Variants in TTC3 observed in about 807,000 individuals in gnomAD.
The protein encoded by TTC3 is E3 ubiquitin-protein ligase TTC3.
TTC3 carries 180 observed loss-of-function variants against 249.6 expected under a neutral mutation model. The ratio of observed to expected loss-of-function variants is 0.72; its 90% confidence interval spans 0.64 to 0.82. The LOEUF is 0.82. TTC3 is among the 40% of genes least tolerant of loss of function. The probability of loss-of-function intolerance (pLI) is 0.00; values close to 1 mark genes in which losing one functional copy is unlikely to be tolerated. For missense variants in TTC3, 2,061 were observed against 2,398.4 expected, an observed-to-expected ratio of 0.86 and a Z score of 2.94; for synonymous variants, 717 against 805.0, an observed-to-expected ratio of 0.89 and a Z score of 1.85.
At chr21:37,117,390 G>A (rs192594994) in intron 11 of TTC3, among the ~76,000 whole-genome samples, 2 of 152,090 alleles carry the variant, frequency 1.3e-5, no homozygotes, top group East Asian at 3.9e-4. Flanking sequence ...CCAGTTTGTT[G>A]GTATTTTCAT....
intron 1 of TTC3, among the ~76,000 whole-genome samples, chr21:37,084,971 C>T (rs1262333411): frequency 2.6e-5 from 4 of 150,958 alleles, no homozygotes; most frequent in East Asian, 3.9e-4. Context: ...CCAGCCTGGG[C>T]GACAGAGTGA....
intron 19 of TTC3, among the ~76,000 whole-genome samples, chr21:37,139,216 AG>A (rs1221624303): frequency 6.6e-6 from 1 of 152,156 alleles, no homozygotes; most frequent in African/African-American, 2.4e-5. Context: ...AGAAAAACAA[AG>A]GTAACAATGA....
At chr21:37,178,752 G>A (rs949890240) in intron 35 of TTC3, among the ~76,000 whole-genome samples, 9 of 151,962 alleles carry the variant, frequency 5.9e-5, no homozygotes, top group African/African-American at 2.2e-4. Flanking sequence ...TTGAGCCCAG[G>A]AGTTTGAAAC....
rs1199691192 is a variant in TTC3, at chr21:37,197,930, C to T, written c.5755C>T (p.Pro1919Ser). Residue 1919 changes from proline (P) to serine (S), a missense_variant, in exon 44 of 46, where the codon CCC (proline) becomes TCC (serine). Around this residue, in one of 3 missense-constraint regions of TTC3, gnomAD observed 1,040 missense variants for 1,186.1 expected, o/e 0.88. Transcript: ENST00000355666. ...GACTTATGAGCCCAGCTCTGCCACC[C>T]CCGTGACCAGGTCCTCCCAGGGCTC... The T allele has an allele frequency of 1.9e-6, 3 of 1,614,086 alleles. No individual in the cohort carries two copies. Among genetic ancestry groups the T allele is most frequent in the Non-Finnish European group, 2.5e-6 (3 of 1,180,016 alleles).
chr21:37,123,731 C>T (rs1467716678), intron 13 of TTC3, among the ~76,000 whole-genome samples: 2 of 151,684 alleles, frequency 1.3e-5, no homozygotes, highest in Non-Finnish European at 2.9e-5. Flanking sequence ...AAATTTAGCA[C>T]AAGGTCATAG....
chr21:37,186,722 C>T (rs549212120), intron 37 of TTC3, among the ~76,000 whole-genome samples: 4 of 152,328 alleles, frequency 2.6e-5, no homozygotes, highest in East Asian at 3.9e-4. Context: ...CCACTGTGCC[C>T]GGCCTATACA....
At chr21:37,133,876 TTTA>T (rs2077689443) in intron 17 of TTC3, among the ~76,000 whole-genome samples, 2 of 152,038 alleles carry the variant, frequency 1.3e-5, no homozygotes, top group African/African-American at 4.8e-5. Context: ...GTCTTATTTA[TTTA>T]TTATTTTCTT....
exon 22 of TTC3, chr21:37,147,559 G>C (rs1199084020): frequency 6.2e-7 from 1 of 1,611,444 alleles, no homozygotes; most frequent in East Asian, 2.2e-5. Context: ...GAAGTGCCAT[G>C]GATATTCTAA....
chr21:37,110,059 C>T (rs901999196), intron 11 of TTC3, among the ~76,000 whole-genome samples: 2 of 152,016 alleles, frequency 1.3e-5, no homozygotes, highest in South Asian at 2.1e-4. Context: ...CCCATCTGTA[C>T]GTCACCATCA....
intron 26 of TTC3, 70 bp from the exon 27 acceptor site, chr21:37,152,878 TTTG>T (rs1226233717): frequency 6.7e-6 from 8 of 1,195,068 alleles, no homozygotes; most frequent in Non-Finnish European, 9.0e-6. Context: ...ATTATGTAAT[TTTG>T]TTATTTCTAA....
At chr21:37,135,902 T>G (rs1190223672) in intron 18 of TTC3, among the ~76,000 whole-genome samples, 1 of 152,230 alleles carries the variant, frequency 6.6e-6, no homozygotes, top group Non-Finnish European at 1.5e-5. Flanking sequence ...GTGGCAACCC[T>G]GTGTCAAGCA....
At chr21:37,132,399 C>T (rs1007353496) in intron 16 of TTC3, among the ~76,000 whole-genome samples, 24 of 150,094 alleles carry the variant, frequency 1.6e-4, no homozygotes, top group African/African-American at 2.9e-4. Flanking sequence ...GGTAAGATCT[C>T]GGTCCTGGGC....
intron 11 of TTC3, among the ~76,000 whole-genome samples, chr21:37,121,514 T>C (rs2147867078): frequency 6.6e-6 from 1 of 152,382 alleles, no homozygotes; most frequent in East Asian, 1.9e-4. Context: ...CACAAAATTA[T>C]TATATTCTCT....
chr21:37,110,516 A>T (rs1196914715), intron 11 of TTC3, among the ~76,000 whole-genome samples: 1 of 152,202 alleles, frequency 6.6e-6, no homozygotes, highest in Non-Finnish European at 1.5e-5. Flanking sequence ...GAAAAAGAAT[A>T]AAAAGAAACA....
intron 16 of TTC3, among the ~76,000 whole-genome samples, chr21:37,129,264 A>G (rs938589995): frequency 3.9e-5 from 6 of 152,208 alleles, no homozygotes; most frequent in African/African-American, 1.4e-4. Flanking sequence ...ATATTAATAT[A>G]TTGACTTCTG....
chr21:37,082,026 G>C (rs1349704703), intron 1 of TTC3: 1 of 151,762 alleles, frequency 6.6e-6, no homozygotes, highest in Admixed American at 6.6e-5. Flanking sequence ...CACCACGCCC[G>C]GCTAATTTTT....
intron 5 of TTC3, 27 bp downstream of exon 5, chr21:37,088,913 G>T: frequency 6.3e-7 from 1 of 1,596,716 alleles, no homozygotes; most frequent in Non-Finnish European, 8.6e-7. Context: ...AGGTTCCCCC[G>T]AGCCCTTGGT....
Position 37,164,101 on chromosome 21 carries a change from G to A in TTC3, c.3221G>A (p.Arg1074Gln), listed in dbSNP as rs767138973. ...CCATTTGCAGTGCCTGACCATCTTC[G>A]GCAAGATGTAGAAGAATTCGAAGCT... is the stretch of plus-strand genomic sequence containing the variant. Residue 1074 changes from arginine (R) to glutamine (Q), a missense_variant, in exon 32 of 46, where the codon CGG becomes CAG. Transcript: ENST00000355666. The A allele has an allele frequency of 5.6e-6, 9 of 1,612,370 alleles. No individual in the cohort carries two copies. The Admixed American group carries it at 8.4e-5, about 15-fold the overall frequency.
Position 37,095,457 on chromosome 21 carries a change from A to G in TTC3, c.782+13A>G. ...CCATTGAATATAGGTAAGAGCAAAT[A>G]GAACAAAAGAGATGCTTTTTCTATG... On this transcript the variant is annotated intron_variant, in intron 9 of 45. Transcript: ENST00000355666. The G allele has an allele frequency of 1.3e-6, 2 of 1,492,502 alleles. No individual in the cohort carries two copies. Among genetic ancestry groups the G allele is most frequent in the Non-Finnish European group, 1.8e-6 (2 of 1,095,960 alleles). 92.5% of individuals were successfully genotyped at this position (1,492,502 alleles called of 1,614,324 possible).
Sources: allele counts gnomAD v4.1 joint callset (sites outside exome capture counted in the v4.1 genomes callset), GRCh38; gene constraint gnomAD v4.1.1; regional missense constraint gnomAD v4.1.1; transcripts MANE v1.5; gene names NCBI Gene and HGNC (gene_info 2026-07-23, HGNC 2026-07-21).